Variants in ARL15 observed in about 807,000 individuals in gnomAD.
The protein encoded by ARL15 is ADP-ribosylation factor-like protein 15.
Under a neutral mutation model 25.2 loss-of-function variants are expected in ARL15, and 19 were observed. The ratio of observed to expected loss-of-function variants is 0.75; its 90% CI spans 0.53 to 1.10. The LOEUF is 1.10. Among genes scored for constraint, ARL15 ranks in the 50% least tolerant of loss-of-function variants. The probability of loss-of-function intolerance (pLI) is 0.00; values close to 1 mark genes in which losing one functional copy is unlikely to be tolerated. For missense variants in ARL15, 220 were observed against 246.0 expected, an observed-to-expected ratio of 0.89 and a Z score of 0.71; for synonymous variants, 94 against 86.8, an observed-to-expected ratio of 1.08 and a Z score of -0.46.
intron 4 of ARL15, among the ~76,000 whole-genome samples, chr5:53,918,383 G>T (rs1235290009): frequency 2.0e-5 from 3 of 151,814 alleles, no homozygotes; most frequent in East Asian, 1.9e-4. Context: ...AGATGGGGGG[G>T]GATCTCACTA....
chr5:54,096,146 ATACT>A (rs1235512351), intron 4 of ARL15, among the ~76,000 whole-genome samples: 1 of 152,214 alleles, frequency 6.6e-6, no homozygotes, highest in Admixed American at 6.5e-5. Flanking sequence ...TATGTGAAAC[ATACT>A]TACCACTGTT....
intron 1 of ARL15, among the ~76,000 whole-genome samples, chr5:54,184,439 T>TAAAAAA (rs527755025): frequency 1.4e-5 from 1 of 69,118 alleles, no homozygotes; most frequent in Non-Finnish European, 2.8e-5. Context: ...ACACTGTCTT[T>TAAAAAA]AAAAAAAAAA....
chr5:54,261,764 A>G (rs1757502717), intron 1 of ARL15, among the ~76,000 whole-genome samples: 5 of 152,120 alleles, frequency 3.3e-5, no homozygotes, highest in South Asian at 4.1e-4. Flanking sequence ...ACACACACAC[A>G]CACCCCATGA....
chr5:54,268,652 A>C (rs1429183254), intron 1 of ARL15, among the ~76,000 whole-genome samples: 5 of 152,142 alleles, frequency 3.3e-5, no homozygotes, highest in Non-Finnish European at 7.3e-5. Flanking sequence ...TCATTGTGGA[A>C]GTCAGTGTGG....
At chr5:54,195,085 T>G (rs2112466373) in intron 1 of ARL15, among the ~76,000 whole-genome samples, 1 of 152,276 alleles carries the variant, frequency 6.6e-6, no homozygotes, top group Non-Finnish European at 1.5e-5. Flanking sequence ...TCATTCTTAT[T>G]TCTCAAGGCC....
intron 3 of ARL15, among the ~76,000 whole-genome samples, chr5:54,153,013 T>C (rs1754114578): frequency 6.6e-6 from 1 of 152,216 alleles, no homozygotes; most frequent in South Asian, 2.1e-4. Flanking sequence ...AAATGTCTTA[T>C]TAACCAACCA....
At chr5:54,233,371 C>T (rs958733785) in intron 1 of ARL15, among the ~76,000 whole-genome samples, 1 of 152,112 alleles carries the variant, frequency 6.6e-6, no homozygotes, top group Non-Finnish European at 1.5e-5. Flanking sequence ...ATGAAGTGGG[C>T]ATGTCAATTC....
At chr5:54,052,393 G>A (rs1262622651) in intron 4 of ARL15, among the ~76,000 whole-genome samples, 1 of 152,114 alleles carries the variant, frequency 6.6e-6, no homozygotes, top group Non-Finnish European at 1.5e-5. Context: ...AAAAGTATTG[G>A]GGTATAAAGT....
At chr5:54,275,257 C>T (rs1025308039) in intron 1 of ARL15, among the ~76,000 whole-genome samples, 1 of 152,226 alleles carries the variant, frequency 6.6e-6, no homozygotes, top group Non-Finnish European at 1.5e-5. Context: ...TCAGATCAAA[C>T]TGCCTTAGCT....
At chr5:53,893,033 T>C (rs538329453) in intron 4 of ARL15, among the ~76,000 whole-genome samples, 9 of 152,186 alleles carry the variant, frequency 5.9e-5, no homozygotes, top group Non-Finnish European at 1.2e-4. Flanking sequence ...AGTGGGACTT[T>C]CCTTGTCTAT....
At chr5:54,175,183 T>C (rs1754829463) in intron 1 of ARL15, among the ~76,000 whole-genome samples, 1 of 152,234 alleles carries the variant, frequency 6.6e-6, no homozygotes, top group Non-Finnish European at 1.5e-5. Context: ...ATGTTCTTTT[T>C]AAAATCCAGA....
In ARL15 at chr5:53,918,790, A is replaced by C. The variant is rs147745904; in HGVS notation, c.463-32077T>G. ...TGAGTATCTGGAAGCAAAAGAGAGG[A>C]GATTTTGAAATATATCTTATAATTT... On this transcript the variant is annotated intron_variant, in intron 4 of 4. Transcript: ENST00000504924. Among the ~76,000 whole-genome samples the C allele has an allele frequency of 9.9e-5, 15 of 151,942 alleles. No homozygotes were observed. In the East Asian group the frequency reaches 2.9e-3, roughly 29 times the overall value.
intron 4 of ARL15, among the ~76,000 whole-genome samples, chr5:53,932,947 C>T (rs945420393): frequency 1.1e-4 from 17 of 152,132 alleles, no homozygotes; most frequent in African/African-American, 4.1e-4. Flanking sequence ...CAAATGTCTC[C>T]AAATTTACTG....
chr5:53,970,186 A>C (rs1445348193), intron 4 of ARL15, among the ~76,000 whole-genome samples: 3 of 152,192 alleles, frequency 2.0e-5, no homozygotes, highest in Non-Finnish European at 4.4e-5. Flanking sequence ...AAGATAAAAG[A>C]TAGCCAATGA....
At chr5:54,041,837 C>T (rs934178355) in intron 4 of ARL15, among the ~76,000 whole-genome samples, 3 of 152,088 alleles carry the variant, frequency 2.0e-5, no homozygotes, top group Admixed American at 6.6e-5. Flanking sequence ...AGAGAAAAGG[C>T]GGAGCAAGGA....
intron 1 of ARL15, among the ~76,000 whole-genome samples, chr5:54,279,205 T>C (rs1420241460): frequency 9.4e-6 from 1 of 106,070 alleles, no homozygotes; most frequent in African/African-American, 4.4e-5. Context: ...CTAATAAGAG[T>C]TTGTTTTTGT....
At chr5:54,231,180 C>G (rs746346911) in intron 1 of ARL15, among the ~76,000 whole-genome samples, 2 of 152,226 alleles carry the variant, frequency 1.3e-5, no homozygotes, top group Non-Finnish European at 1.5e-5. Flanking sequence ...CTCCTCTCAA[C>G]TTGCTGCTCT....
intron 4 of ARL15, among the ~76,000 whole-genome samples, chr5:54,045,897 T>C (rs1211307768): frequency 6.6e-6 from 1 of 152,228 alleles, no homozygotes; most frequent in African/African-American, 2.4e-5. Flanking sequence ...CAATTGCTCT[T>C]AGTTTTCTCT....
rs189044691 is a variant in ARL15, at chr5:54,230,755, T to C, written c.49-58827A>G. Among the ~76,000 whole-genome samples the C allele has an allele frequency of 8.5e-5, 13 of 152,304 alleles. No homozygotes were observed. The East Asian group carries it at 2.5e-3, about 29-fold the overall frequency. On this transcript the variant is annotated intron_variant, in intron 1 of 4. Transcript: ENST00000504924. Reference sequence around the variant, plus strand: ...AGGGCCTTTTTCTTGTTCCTATGCATCCAGCATTTTCCCTTAGAGATCCCA... The same window carrying C: ...AGGGCCTTTTTCTTGTTCCTATGCACCCAGCATTTTCCCTTAGAGATCCCA...
Sources: allele counts gnomAD v4.1 joint callset (sites outside exome capture counted in the v4.1 genomes callset), GRCh38; gene constraint gnomAD v4.1.1; transcripts MANE v1.5; gene names NCBI Gene and HGNC (gene_info 2026-07-23, HGNC 2026-07-21).